The following ROBO1 variants were observed in gnomAD, a reference collection of about 807,000 sequenced individuals.
ROBO1 encodes roundabout guidance receptor 1.
ROBO1 carries 149 observed loss-of-function variants against 195.9 expected under a neutral mutation model. The ratio of observed to expected loss-of-function variants is 0.76; its 90% confidence interval spans 0.67 to 0.87. The LOEUF is 0.87. Ranked by LOEUF, ROBO1 falls within the 40% of genes least tolerant of loss-of-function variation. The pLI, the probability that ROBO1 is intolerant of heterozygous loss-of-function variation, is 0.00. For missense variants in ROBO1, 1,933 were observed against 2,068.3 expected (o/e 0.93, Z 1.27); for synonymous variants, 816 against 733.2 (o/e 1.11, Z -1.82).
chr3:78,643,100 C>T lies in ROBO1; in HGVS notation c.2882+3048G>A, dbSNP rs560655977. 8.5e-4 allele frequency among the ~76,000 whole-genome samples: 129 copies of T among 152,246 alleles called. 1 individual carries two copies. The highest frequency in any genetic ancestry group is 3.0e-3 in the African/African-American group (125 of 41,546). On this transcript the variant is annotated intron_variant, in intron 21 of 30. Coordinates refer to ENST00000464233, the MANE Select transcript of ROBO1 (RefSeq NM_002941.4). ...CCACGTAATCTGCATCCTCCAGGAA[C>T]TCACACTCTCTTGTCAGAGGCAATC... is the stretch of plus-strand genomic sequence containing the variant.
intron 2 of ROBO1, among the ~76,000 whole-genome samples, chr3:79,562,674 C>A (rs1294677427): frequency 6.6e-6 from 1 of 151,996 alleles, no homozygotes; most frequent in Non-Finnish European, 1.5e-5. Flanking sequence ...AGTACATAGT[C>A]ATAAAATCAA....
chr3:78,766,253 C>T (rs996929581), intron 4 of ROBO1, among the ~76,000 whole-genome samples: 13 of 152,104 alleles, frequency 8.5e-5, no homozygotes, highest in African/African-American at 3.1e-4. Context: ...ATTTATATAG[C>T]AGGGAACAGA....
chr3:78,634,519 A>G, intron 23 of ROBO1: 1 of 354,686 alleles, frequency 2.8e-6, no homozygotes, highest in South Asian at 2.1e-5. Context: ...GTTCTTTATT[A>G]TGGTCTGACA....
chr3:78,735,787 C>A (rs986698561), intron 5 of ROBO1, among the ~76,000 whole-genome samples: 1 of 152,004 alleles, frequency 6.6e-6, no homozygotes, highest in Admixed American at 6.6e-5. Context: ...TAAGATATAT[C>A]GTAATCAAAT....
chr3:79,484,360 T>C (rs1939035018), intron 2 of ROBO1, among the ~76,000 whole-genome samples: 1 of 152,184 alleles, frequency 6.6e-6, no homozygotes. Flanking sequence ...CTTTTGATTT[T>C]GGTATACTTA....
chr3:78,950,788 A>C (rs2107772574), intron 3 of ROBO1, among the ~76,000 whole-genome samples: 1 of 152,022 alleles, frequency 6.6e-6, no homozygotes, highest in African/African-American at 2.4e-5. Context: ...TTTCATAGTT[A>C]CTTCACTCAG....
chr3:78,814,169 GTTCT>G (rs1229983898), intron 4 of ROBO1, among the ~76,000 whole-genome samples: 3 of 151,746 alleles, frequency 2.0e-5, no homozygotes, highest in Non-Finnish European at 4.4e-5. Context: ...TAATAACAAT[GTTCT>G]TTCTTTGATT....
intron 2 of ROBO1, among the ~76,000 whole-genome samples, chr3:79,425,892 C>A (rs1218680163): frequency 1.3e-5 from 2 of 152,170 alleles, no homozygotes; most frequent in Non-Finnish European, 2.9e-5. Flanking sequence ...CATTGTTTTG[C>A]ACTTCTGATA....
At chr3:79,709,831 C>T (rs1302552690) in intron 1 of ROBO1, among the ~76,000 whole-genome samples, 2 of 152,100 alleles carry the variant, frequency 1.3e-5, no homozygotes, top group Non-Finnish European at 2.9e-5. Context: ...AGAGAGGCCC[C>T]AGAGAGCTAG....
intron 1 of ROBO1, among the ~76,000 whole-genome samples, chr3:79,761,690 CAGTAAG>C (rs1704710142): frequency 6.6e-6 from 1 of 152,224 alleles, no homozygotes; most frequent in African/African-American, 2.4e-5. Flanking sequence ...TCTTGTACTT[CAGTAAG>C]AGTGACTCAT....
Position 78,639,895 on chromosome 3 carries a change from A to T in ROBO1, c.2886T>A (p.Pro962=). 1 of 1,551,042 alleles carries T rather than the reference A, an allele frequency of 6.4e-7. No individual in the cohort carries two copies. The highest frequency in any genetic ancestry group is 8.7e-7 in the Non-Finnish European group (1 of 1,148,660). The change falls in exon 22 of 31, where the codon CCT becomes CCA. Residue 962 remains proline (P), a synonymous_variant. Transcript: ENST00000464233. ...GGEAVSSGGR[P]GLLNISEPAA... is the part of the protein sequence containing the mutation. Reference sequence around the variant, plus strand: ...CAGGTTCACTGATGTTGAGAAGTCCAGGCCTAAATAAAAAAAAAATATTAA... The same window carrying T: ...CAGGTTCACTGATGTTGAGAAGTCCTGGCCTAAATAAAAAAAAAATATTAA...
intron 4 of ROBO1, among the ~76,000 whole-genome samples, chr3:78,768,815 C>T (rs1178854597): frequency 1.6e-5 from 2 of 122,072 alleles, no homozygotes; most frequent in South Asian, 6.8e-4. Context: ...CCCCCTCCCC[C>T]CACCCCACCA....
At chr3:78,846,137 G>A (rs2033656902) in intron 4 of ROBO1, among the ~76,000 whole-genome samples, 1 of 152,016 alleles carries the variant, frequency 6.6e-6, no homozygotes, top group African/African-American at 2.4e-5. Context: ...AAAATCTAAT[G>A]TGTAATCTTT....
chr3:78,602,759 C>T (rs1018469307), intron 29 of ROBO1, among the ~76,000 whole-genome samples: 1 of 152,042 alleles, frequency 6.6e-6, no homozygotes, highest in African/African-American at 2.4e-5. Context: ...TATAGGCACC[C>T]CAGCTGAACC....
At chr3:78,633,665 G>A (rs1345884061) in intron 24 of ROBO1, among the ~76,000 whole-genome samples, 2 of 152,168 alleles carry the variant, frequency 1.3e-5, no homozygotes, top group African/African-American at 2.4e-5. Context: ...TGCCTTTAAA[G>A]ATTAACCAGA....
chr3:79,470,904 T>A (rs1352095505), intron 2 of ROBO1, among the ~76,000 whole-genome samples: 1 of 152,266 alleles, frequency 6.6e-6, no homozygotes, highest in Non-Finnish European at 1.5e-5. Flanking sequence ...ATTAATACAG[T>A]AAATATTTTT....
At chr3:78,824,358 T>C (rs1379089663) in intron 4 of ROBO1, among the ~76,000 whole-genome samples, 1 of 152,224 alleles carries the variant, frequency 6.6e-6, no homozygotes, top group Non-Finnish European at 1.5e-5. Context: ...TAAAAACACA[T>C]ATTTTTATTC....
At chr3:78,907,916 A>G (rs2038019725) in intron 4 of ROBO1, among the ~76,000 whole-genome samples, 1 of 152,004 alleles carries the variant, frequency 6.6e-6, no homozygotes, top group Non-Finnish European at 1.5e-5. Context: ...AAGGATAACA[A>G]TAAAATTTCT....
At chr3:78,693,881 C>A (rs995291516) in intron 8 of ROBO1, among the ~76,000 whole-genome samples, 3 of 152,068 alleles carry the variant, frequency 2.0e-5, no homozygotes, top group Admixed American at 2.0e-4. Context: ...GCATGAGTCA[C>A]CCTGGGAGCT....
Sources: allele counts gnomAD v4.1 joint callset (sites outside exome capture counted in the v4.1 genomes callset), GRCh38; gene constraint gnomAD v4.1.1; transcripts MANE v1.5; gene names NCBI Gene and HGNC (gene_info 2026-07-23, HGNC 2026-07-21).